Variants in RIN2 observed in about 807,000 individuals in gnomAD.
RIN2 encodes the protein RAB5 interacting protein 2.
A neutral mutation model predicts 78.0 loss-of-function variants in RIN2; 36 were observed. That is an observed-to-expected ratio of 0.46 (90% confidence interval 0.35 to 0.61). The LOEUF (loss-of-function observed/expected upper bound fraction) is 0.61. Among genes scored for constraint, RIN2 ranks in the 20% least tolerant of loss-of-function variants. RIN2 has a pLI of 0.00. For synonymous variants in RIN2, 466 were observed against 466.8 expected, an observed-to-expected ratio of 1.00 and a Z score of 0.02; for missense variants, 1,087 against 1,159.7, an observed-to-expected ratio of 0.94 and a Z score of 0.91.
At chr20:19,800,332 A>T (rs778485763) in intron 2 of RIN2, among the ~76,000 whole-genome samples, 9 of 152,114 alleles carry the variant, frequency 5.9e-5, no homozygotes, top group Admixed American at 2.0e-4. Flanking sequence ...CATATTTTTC[A>T]ACATGGGTCA....
intron 9 of RIN2, among the ~76,000 whole-genome samples, chr20:19,979,730 G>C (rs2042385851): frequency 6.6e-6 from 1 of 151,822 alleles, no homozygotes; most frequent in South Asian, 2.1e-4. Flanking sequence ...GAGTTATCTG[G>C]GTTATTTTTT....
intron 2 of RIN2, among the ~76,000 whole-genome samples, chr20:19,874,707 G>A (rs1019390388): frequency 1.3e-5 from 2 of 152,146 alleles, no homozygotes; most frequent in Admixed American, 6.5e-5. Context: ...ACTAAGACAG[G>A]TTACACTGAG....
At chr20:19,814,096 C>T (rs975327420) in intron 2 of RIN2, among the ~76,000 whole-genome samples, 1 of 152,150 alleles carries the variant, frequency 6.6e-6, no homozygotes, top group African/African-American at 2.4e-5. Flanking sequence ...GCCCAAAATG[C>T]TATTTCTAAT....
At chr20:19,773,867 AAAAAT>A (rs1454340790) in intron 1 of RIN2, among the ~76,000 whole-genome samples, 12 of 150,850 alleles carry the variant, frequency 8.0e-5, no homozygotes, top group Middle Eastern at 3.6e-3. Flanking sequence ...TTGTGATAAT[AAAAAT>A]AAAATAATAT....
chr20:19,974,718 C>T lies in RIN2; in HGVS notation c.693C>T (p.Ser231=), dbSNP rs930309874. The change falls in exon 9 of 13, where the codon TCC becomes TCT. Residue 231 remains serine (S), a synonymous_variant. Transcript: ENST00000255006. The part of the protein sequence containing the change: ...PNLPPPHRPL[S]SDGVCPASLR... ...TTCCACCTCCCCATAGGCCTCTTTC[C>T]TCCGACGGTGTCTGTCCTGCCTCCC... 2 of 1,614,026 alleles carry T rather than the reference C, an allele frequency of 1.2e-6. No homozygotes were observed. The highest frequency in any genetic ancestry group is 1.7e-6 in the Non-Finnish European group (2 of 1,179,900).
chr20:19,971,667 G>A (rs1034740700), intron 8 of RIN2, among the ~76,000 whole-genome samples: 5 of 150,912 alleles, frequency 3.3e-5, no homozygotes, highest in Non-Finnish European at 5.9e-5. Flanking sequence ...TGAAGCAAGC[G>A]CCATTTCCAA....
chr20:19,841,279 G>A (rs937564139), intron 2 of RIN2, among the ~76,000 whole-genome samples: 10 of 151,722 alleles, frequency 6.6e-5, no homozygotes, highest in Non-Finnish European at 8.8e-5. Flanking sequence ...CACCACACTC[G>A]GTGAAGGGTT....
At chr20:19,965,143 G>T in intron 7 of RIN2, 119 bp downstream of exon 7, 1 of 788,164 alleles carries the variant, frequency 1.3e-6, no homozygotes, top group Non-Finnish European at 2.2e-6. Flanking sequence ...GGCAGATTAA[G>T]ACTGGTTACT....
chr20:19,852,971 T>C (rs1260990572), intron 2 of RIN2, among the ~76,000 whole-genome samples: 2 of 151,852 alleles, frequency 1.3e-5, no homozygotes, highest in African/African-American at 4.8e-5. Flanking sequence ...GCCATGTTGG[T>C]GTGCTGCACC....
chr20:19,946,164 G>A (rs1470756418), intron 4 of RIN2, among the ~76,000 whole-genome samples: 2 of 152,168 alleles, frequency 1.3e-5, no homozygotes. Context: ...CTGAATATGG[G>A]CTGGGGATGA....
chr20:19,852,106 A>G (rs765320317), intron 2 of RIN2, among the ~76,000 whole-genome samples: 26 of 152,222 alleles, frequency 1.7e-4, no homozygotes, highest in Non-Finnish European at 3.2e-4. Flanking sequence ...TTTTAGAGCC[A>G]GTGCTCATGG....
intron 2 of RIN2, among the ~76,000 whole-genome samples, chr20:19,857,597 T>C (rs1011888832): frequency 6.6e-6 from 1 of 152,206 alleles, no homozygotes; most frequent in Non-Finnish European, 1.5e-5. Context: ...ACCAACACCA[T>C]ATGAGAGTTC....
chr20:19,943,011 G>A (rs1264597971), intron 4 of RIN2, among the ~76,000 whole-genome samples: 1 of 152,206 alleles, frequency 6.6e-6, no homozygotes, highest in African/African-American at 2.4e-5. Context: ...GTAACCCAGA[G>A]CAATTAAATA....
At chr20:19,850,345 C>T (rs1392667350) in intron 2 of RIN2, among the ~76,000 whole-genome samples, 1 of 152,124 alleles carries the variant, frequency 6.6e-6, no homozygotes, top group Non-Finnish European at 1.5e-5. Context: ...GCAGCTCCTC[C>T]GTGCAGGCTG....
chr20:19,854,787 C>T (rs1361790695), intron 2 of RIN2, among the ~76,000 whole-genome samples: 1 of 152,142 alleles, frequency 6.6e-6, no homozygotes, highest in Non-Finnish European at 1.5e-5. Flanking sequence ...TGGGCTGAGA[C>T]GATGGGGTTT....
chr20:19,856,384 G>C (rs2037166474), intron 2 of RIN2, among the ~76,000 whole-genome samples: 1 of 151,994 alleles, frequency 6.6e-6, no homozygotes, highest in South Asian at 2.1e-4. Flanking sequence ...TTAATTAGCA[G>C]TAGTTGGGCA....
chr20:20,001,062 C>A lies in RIN2; in HGVS notation c.*126C>A. ...GGACCCCTCAGTGTAGTGACTAAGC[C>A]ATCCACAGGCCAACTCGGCCAAGGG... On this transcript the variant is annotated 3_prime_UTR_variant, in exon 13 of 13. Transcript: ENST00000255006. 1.2e-6 allele frequency: 1 copy of A among 862,372 alleles called. No homozygotes were observed. Among genetic ancestry groups the A allele is most frequent in the Non-Finnish European group, 1.7e-6 (1 of 578,598 alleles). The allele number at this position is 862,372 out of a possible 1,614,324, so 53.4% of individuals were successfully genotyped here.
chr20:19,789,311 C>G (rs6046323), intron 1 of RIN2, among the ~76,000 whole-genome samples: 5,897 of 152,210 alleles, frequency 0.039, 417 homozygotes, highest in African/African-American at 0.14. Context: ...AACAATTAAC[C>G]TTCTAGAAAA....
chr20:20,000,246 C>G (rs1220672224), intron 12 of RIN2, among the ~76,000 whole-genome samples: 1 of 152,156 alleles, frequency 6.6e-6, no homozygotes, highest in African/African-American at 2.4e-5. Flanking sequence ...CTGCTGACTT[C>G]CTTCATACTC....
Sources: allele counts gnomAD v4.1 joint callset (sites outside exome capture counted in the v4.1 genomes callset), GRCh38; gene constraint gnomAD v4.1.1; transcripts MANE v1.5; gene names NCBI Gene and HGNC (gene_info 2026-07-23, HGNC 2026-07-21).